Variants in TTC17 observed in about 807,000 individuals in gnomAD.
TTC17 encodes the protein tetratricopeptide repeat domain 17, also known as tetratricopeptide repeat protein 17.
Under a neutral mutation model 143.8 loss-of-function variants are expected in TTC17, and 58 were observed. The observed-to-expected ratio is 0.40, with a 90% CI of 0.33 to 0.50. The LOEUF (loss-of-function observed/expected upper bound fraction) is 0.50, where lower values mean the gene tolerates loss of function less well. TTC17 is among the 20% of genes least tolerant of loss of function. TTC17 has a pLI of 0.49. For missense variants in TTC17, 1,273 were observed against 1,392.5 expected (o/e 0.91, Z 1.37); for synonymous variants, 501 against 497.8 (o/e 1.01, Z -0.09).
Position 43,407,387 on chromosome 11 carries a change from C to G in TTC17, c.1874C>G (p.Ala625Gly). Residue 625 changes from alanine (A) to glycine (G), a missense_variant, in exon 15 of 24, where the codon GCT (alanine) becomes GGT (glycine). Ala to Gly is a moderately conservative substitution (Grantham distance 60). Transcript: ENST00000039989. ...CCTATCTGGCTCATACTCAATGAAG[C>G]TGGACTATACTGGAGAGCAGTAGGA... ...NAPIWLILNE[A>G]GLYWRAVGNS... The G allele has an allele frequency of 6.2e-7, 1 of 1,613,862 alleles. No individual in the cohort carries two copies. The highest frequency in any genetic ancestry group is 8.5e-7 in the Non-Finnish European group (1 of 1,179,954).
Position 43,384,359 on chromosome 11 carries a change from A to G in TTC17, c.249+5037A>G, listed in dbSNP as rs528983909. Among the ~76,000 whole-genome samples the G allele has an allele frequency of 7.2e-5, 11 of 152,240 alleles. No homozygotes were observed. In the South Asian group the frequency reaches 2.1e-3, roughly 29 times the overall value. On this transcript the variant is annotated intron_variant, in intron 2 of 23. Coordinates refer to ENST00000039989, the MANE Select transcript of TTC17 (RefSeq NM_018259.6). ...TATGGTTTCTTGTTTTGGTTTTTTA[A>G]TTTTAGAAATGTTAGGCCAGGCACA... is the stretch of plus-strand genomic sequence containing the variant.
In TTC17 at chr11:43,426,641, G is replaced by T. The variant is rs539310752; in HGVS notation, c.2251+11865G>T. 2.0e-5 allele frequency among the ~76,000 whole-genome samples: 3 copies of T among 152,174 alleles called. No individual in the cohort carries two copies. The East Asian group carries it at 5.8e-4, about 29-fold the overall frequency. ...TACTTGCTACCTCTACCAATGCAAA[G>T]GACATTTCCTAGTGCTTGATCTTTT... On this transcript the variant is annotated intron_variant, in intron 16 of 23. Coordinates refer to ENST00000039989, the MANE Select transcript of TTC17 (RefSeq NM_018259.6).
intron 15 of TTC17, 152 bp downstream of exon 15, chr11:43,407,729 C>T: frequency 1.4e-6 from 1 of 708,554 alleles, no homozygotes. Flanking sequence ...TGTGAAAAAG[C>T]TTTTGTTGTA....
chr11:43,480,548 A>G (rs1948266823), intron 21 of TTC17, among the ~76,000 whole-genome samples: 1 of 152,362 alleles, frequency 6.6e-6, no homozygotes, highest in Non-Finnish European at 1.5e-5. Flanking sequence ...CTGAGACCCA[A>G]GAAGATTTGC....
chr11:43,436,287 T>G (rs1173209527), intron 16 of TTC17: 2 of 1,351,412 alleles, frequency 1.5e-6, no homozygotes, highest in Non-Finnish European at 1.9e-6. Context: ...GACCCTGTAT[T>G]CTCTGTTGAG....
intron 21 of TTC17, among the ~76,000 whole-genome samples, chr11:43,487,672 A>G (rs940804762): frequency 1.3e-5 from 2 of 152,252 alleles, no homozygotes; most frequent in Non-Finnish European, 1.5e-5. Context: ...GTTTTTCAAC[A>G]TATATGAGTG....
chr11:43,479,649 G>A (rs965265120), intron 21 of TTC17, among the ~76,000 whole-genome samples: 1 of 152,198 alleles, frequency 6.6e-6, no homozygotes, highest in East Asian at 1.9e-4. Context: ...TCAGGGTACT[G>A]TCAGGAAAAC....
At chr11:43,444,746 C>T in intron 18 of TTC17, among the ~76,000 whole-genome samples, 1 of 151,710 alleles carries the variant, frequency 6.6e-6, no homozygotes, top group Non-Finnish European at 1.5e-5. Context: ...CACACACACA[C>T]ACACACACAC....
intron 16 of TTC17, among the ~76,000 whole-genome samples, chr11:43,442,204 TTATAATTTTATGGCACCACCATGGTA>T (rs1257705499): frequency 1.3e-5 from 2 of 152,196 alleles, no homozygotes; most frequent in Non-Finnish European, 2.9e-5. Context: ...AAATACAGTA[TTATAATTTTATGGCACCACCATGGTA>T]TATGCAGTTC....
intron 2 of TTC17, among the ~76,000 whole-genome samples, chr11:43,388,087 T>G (rs1689759319): frequency 6.6e-6 from 1 of 152,236 alleles, no homozygotes; most frequent in Non-Finnish European, 1.5e-5. Context: ...ATTTCTGCCC[T>G]TGCTAGAATT....
intron 16 of TTC17, among the ~76,000 whole-genome samples, chr11:43,421,158 T>A (rs75449295): frequency 0.021 from 3,219 of 152,154 alleles, 68 homozygotes; most frequent in East Asian, 0.11. Flanking sequence ...CTCAAGGGGT[T>A]GGGGTCATTA....
rs953170393 is a variant in TTC17 at position 43,373,864 on chromosome 11, G to C, written c.160-5369G>C. On this transcript the variant is annotated intron_variant, in intron 1 of 23. Transcript: ENST00000039989. ...TTTGCTTGCGTCCCTTCAGTTTATA[G>C]ATGAAGAAACAGAAGCCCAGGCAGG... is the stretch of plus-strand genomic sequence containing the variant. 3.3e-5 allele frequency among the ~76,000 whole-genome samples: 5 copies of C among 152,284 alleles called. No individual in the cohort carries two copies. In the South Asian group the frequency reaches 1.0e-3, roughly 32 times the overall value.
At position 43,448,037 on chromosome 11, in the gene TTC17, A is replaced by T. The variant is rs1157420604; in HGVS notation, c.2701A>T (p.Ser901Cys). The T allele has an allele frequency of 6.2e-7, 1 of 1,614,022 alleles. No homozygotes were observed. The highest frequency in any genetic ancestry group is 1.3e-5 in the African/African-American group (1 of 74,942). ...TGACTACCAGCGTCTGGGATGGCCC[A>T]GCCCGGACGAATGCCTCAAACTCCG... ...KRDYQRLGWP[S>C]PDECLKLRWV... The change falls in exon 19 of 24, where the codon AGC becomes TGC. Residue 901 changes from serine (S) to cysteine (C), a missense_variant. By Grantham distance (112) the Ser-to-Cys change is moderately radical (BLOSUM62 -1). This residue lies in a region of TTC17 where 878 missense variants were observed against 899.8 expected (regional missense o/e 0.98). Transcript: ENST00000039989.
intron 16 of TTC17, among the ~76,000 whole-genome samples, chr11:43,418,939 T>G (rs1946838944): frequency 6.6e-6 from 1 of 152,214 alleles, no homozygotes; most frequent in Non-Finnish European, 1.5e-5. Flanking sequence ...TAATCTAGGC[T>G]GTCTTATATC....
chr11:43,448,060 C>T lies in TTC17; in HGVS notation c.2724C>T (p.Leu908=). The T allele has an allele frequency of 6.2e-7, 1 of 1,614,194 alleles. No individual in the cohort carries two copies. The highest frequency in any genetic ancestry group is 1.3e-5 in the African/African-American group (1 of 75,066). The change falls in exon 19 of 24, where the codon CTC becomes CTT. Residue 908 remains leucine (L), a synonymous_variant. Transcript: ENST00000039989. ...CCAGCCCGGACGAATGCCTCAAACT[C>T]CGCTGGGTAGAGCTGACTGCCATCG... ...GWPSPDECLK[L]RWVELTAIVS...
At chr11:43,461,186 C>T (rs1172144518) in intron 21 of TTC17, among the ~76,000 whole-genome samples, 1 of 151,862 alleles carries the variant, frequency 6.6e-6, no homozygotes, top group East Asian at 1.9e-4. Flanking sequence ...AGATTGAGAC[C>T]GTCCTGGCTA....
chr11:43,397,585 A>C (rs1221027005), intron 7 of TTC17, 94 bp downstream of exon 7: 1 of 1,294,228 alleles, frequency 7.7e-7, no homozygotes. Context: ...ACTTTTTTCC[A>C]TTCCTTTTTT....
At position 43,494,042 on chromosome 11, in the gene TTC17, G is replaced by T. The variant is rs1948517856; in HGVS notation, c.*138G>T. 8.0e-7 allele frequency: 1 copy of T among 1,249,606 alleles called. No individual in the cohort carries two copies. The highest frequency in any genetic ancestry group is 1.1e-6 in the Non-Finnish European group (1 of 934,754). The allele number at this position is 1,249,606 out of a possible 1,614,324, so 77.4% of individuals were successfully genotyped here. On this transcript the variant is annotated 3_prime_UTR_variant, in exon 24 of 24. Coordinates refer to ENST00000039989, the MANE Select transcript of TTC17 (RefSeq NM_018259.6). ...GACTTATAACAGGACTTTTACATAT[G>T]TGGGAATTGGTTTGTTTTTGTTTTT... is the stretch of plus-strand genomic sequence containing the variant.
intron 9 of TTC17, among the ~76,000 whole-genome samples, chr11:43,400,865 CAG>C (rs1463959108): frequency 1.3e-5 from 2 of 152,168 alleles, no homozygotes; most frequent in Non-Finnish European, 2.9e-5. Context: ...AACTCAATAA[CAG>C]AGAATAAATT....
Sources: gnomAD v4.1 joint callset for allele counts (sites outside exome capture counted in the v4.1 genomes callset) on GRCh38, gnomAD v4.1.1 for gene constraint, gnomAD v4.1.1 regional missense constraint, MANE v1.5 for transcripts, NCBI Gene and HGNC (gene_info 2026-07-23, HGNC 2026-07-21) for gene names.